Variants in DENND3 observed in about 807,000 individuals in gnomAD.
The protein encoded by DENND3 is DENN domain-containing protein 3.
DENND3 carries 88 observed loss-of-function variants against 135.1 expected under a neutral mutation model. That is an observed-to-expected ratio of 0.65 (90% CI 0.55 to 0.78). The LOEUF (loss-of-function observed/expected upper bound fraction) is 0.78, where lower values mean the gene tolerates loss of function less well. Among genes scored for constraint, DENND3 ranks in the 30% least tolerant of loss-of-function variants. DENND3 has a pLI of 0.00. For missense variants in DENND3, 1,392 were observed against 1,688.4 expected (o/e 0.82, Z 3.08); for synonymous variants, 693 against 712.3 (o/e 0.97, Z 0.43).
rs532653891 is a variant in DENND3 at position 141,174,850 on chromosome 8, C to T, written c.2276-350C>T. On this transcript the variant is annotated intron_variant, in intron 13 of 22. Coordinates refer to ENST00000519811, the MANE Select transcript of DENND3 (RefSeq NM_001352890.3). The surrounding 1 kb of genome is among the most constrained non-coding windows in gnomAD (Gnocchi z 4.6). ...CAGCAGTTCTAGTGATGAGGAAGGT[C>T]TTTGCCCCCATTAGAAGAGTGTCCT... Among the ~76,000 whole-genome samples the T allele has an allele frequency of 1.3e-5, 2 of 152,338 alleles. No individual in the cohort carries two copies. Among genetic ancestry groups the T allele is most frequent in the South Asian group, 4.1e-4 (2 of 4,832 alleles).
rs1446569456 is a variant in DENND3 at position 141,175,070 on chromosome 8, G to A, written c.2276-130G>A. 5 of 1,071,214 alleles carry A rather than the reference G, an allele frequency of 4.7e-6. No individual in the cohort carries two copies. The highest frequency in any genetic ancestry group is 1.6e-5 in the African/African-American group (1 of 63,144). The allele number at this position is 1,071,214 out of a possible 1,614,324, so 66.4% of individuals were successfully genotyped here. On this transcript the variant is annotated intron_variant, in intron 13 of 22. Transcript: ENST00000519811. This position sits in a 1 kb window ranked among gnomAD's most constrained non-coding sequence, Gnocchi z 5.4. ...ACCTTCTAGGCAGTTTCCATCCAGC[G>A]CCCTGAGTGCTGGCGCCACCTGCTG...
intron 18 of DENND3, chr8:141,188,778 G>A (rs1824276495): frequency 1.7e-6 from 1 of 588,836 alleles, no homozygotes. Context: ...TAAGGTGTCT[G>A]TGAACAGAGC....
At chr8:141,192,293 A>T (rs1168513440) in intron 20 of DENND3, 38 bp from the exon 21 acceptor site, 7 of 1,609,172 alleles carry the variant, frequency 4.4e-6, no homozygotes, top group Admixed American at 1.7e-5. Flanking sequence ...GTTGCCAATG[A>T]CACTGCCTGG....
chr8:141,163,849 T>C (rs1468356331), intron 10 of DENND3, among the ~76,000 whole-genome samples: 2 of 146,052 alleles, frequency 1.4e-5, no homozygotes, highest in African/African-American at 5.1e-5. Flanking sequence ...TGGAGGTTGC[T>C]GTGAGCCAAG....
In DENND3 at chr8:141,194,362, T is replaced by C. The variant is rs1825136817; in HGVS notation, c.*129T>C. 8.5e-7 allele frequency: 1 copy of C among 1,172,048 alleles called. No homozygotes were observed. The highest frequency in any genetic ancestry group is 1.5e-5 in the African/African-American group (1 of 65,478). The allele number at this position is 1,172,048 out of a possible 1,614,324, so 72.6% of individuals were successfully genotyped here. A position where few individuals can be genotyped will look rare whatever the true frequency, so the allele number is the denominator to read the frequency against. ...AGCCCAGGCTCAGCATGGAGCCCAC[T>C]TACCGTGTGGCCAGCCGCGAGACCC... On this transcript the variant is annotated 3_prime_UTR_variant, in exon 23 of 23. Transcript: ENST00000519811.
rs1815897636 is a variant in DENND3 at position 141,130,515 on chromosome 8, A to G, written c.102+1706A>G. 1.3e-5 allele frequency among the ~76,000 whole-genome samples: 2 copies of G among 152,154 alleles called. No individual in the cohort carries two copies. Among genetic ancestry groups the G allele is most frequent in the South Asian group, 4.1e-4 (2 of 4,834 alleles). Reference sequence around the variant, plus strand: ...CTGTTAGGGGTTTGGCAAAGGGTGGAGAGAAAAGTAGTGAAGGACTAAGAA... The same window carrying G: ...CTGTTAGGGGTTTGGCAAAGGGTGGGGAGAAAAGTAGTGAAGGACTAAGAA... On this transcript the variant is annotated intron_variant, in intron 1 of 22. Transcript: ENST00000519811. The surrounding 1 kb of genome is among the most constrained non-coding windows in gnomAD (Gnocchi z 4.2).
chr8:141,192,256 A>G, intron 20 of DENND3, 75 bp from the exon 21 acceptor site: 1 of 1,569,672 alleles, frequency 6.4e-7, no homozygotes, highest in Non-Finnish European at 8.6e-7. Flanking sequence ...AAGAGCAGTG[A>G]GGCCGGCTCT....
At chr8:141,151,873 T>G (rs749582678) in intron 7 of DENND3, 36 bp downstream of exon 7, 44 of 1,607,760 alleles carry the variant, frequency 2.7e-5, no homozygotes, top group Non-Finnish European at 3.7e-5. Context: ...AATGCTAAAT[T>G]CCTGTGAGTC....
At chr8:141,188,402 G>A in intron 18 of DENND3, 1 of 152,294 alleles carries the variant, frequency 6.6e-6, no homozygotes, top group Non-Finnish European at 1.5e-5. Context: ...TTCCGTATTT[G>A]CAAATTCGAC....
At chr8:141,132,729 G>T (rs1186816570) in intron 1 of DENND3, among the ~76,000 whole-genome samples, 1 of 152,166 alleles carries the variant, frequency 6.6e-6, no homozygotes, top group Non-Finnish European at 1.5e-5. Context: ...ATTTCATTCT[G>T]AGAAAAAACA....
intron 18 of DENND3, among the ~76,000 whole-genome samples, chr8:141,187,732 C>T (rs1390709176): frequency 6.6e-6 from 1 of 152,056 alleles, no homozygotes; most frequent in Non-Finnish European, 1.5e-5. Flanking sequence ...CATTTCCCCC[C>T]ATATTCAAAT....
intron 2 of DENND3, 64 bp downstream of exon 2, chr8:141,136,855 C>T: frequency 6.9e-7 from 1 of 1,458,338 alleles, no homozygotes; most frequent in Non-Finnish European, 9.0e-7. Flanking sequence ...GTGGTCTATT[C>T]CCAGAAACCC....
intron 15 of DENND3, chr8:141,176,997 CTGGGCAGGTG>C: frequency 1.9e-6 from 1 of 524,598 alleles, no homozygotes; most frequent in Non-Finnish European, 3.4e-6. Flanking sequence ...GCAGGGCGGT[CTGGGCAGGTG>C]TGGGTGCCCC....
At chr8:141,187,837 A>C (rs1466257076) in intron 18 of DENND3, among the ~76,000 whole-genome samples, 1 of 152,242 alleles carries the variant, frequency 6.6e-6, no homozygotes, top group Non-Finnish European at 1.5e-5. Flanking sequence ...CAAAAAAAGG[A>C]AAAATTAGGG....
chr8:141,188,960 C>T (rs749673691), intron 18 of DENND3, 26 bp from the exon 19 acceptor site: 6 of 1,605,952 alleles, frequency 3.7e-6, no homozygotes, highest in Non-Finnish European at 4.2e-6. Context: ...TGACTGATTT[C>T]TCACGTTCCC....
intron 1 of DENND3, among the ~76,000 whole-genome samples, chr8:141,132,370 T>G (rs1420348263): frequency 1.3e-5 from 2 of 152,138 alleles, no homozygotes; most frequent in East Asian, 3.8e-4. Flanking sequence ...TATTTTTTTT[T>G]GTGGGGGATG....
intron 18 of DENND3, among the ~76,000 whole-genome samples, chr8:141,188,122 G>A (rs930868787): frequency 6.6e-6 from 1 of 152,220 alleles, no homozygotes; most frequent in Non-Finnish European, 1.5e-5. Flanking sequence ...GCTACTCGGG[G>A]GTCTGAAGCG....
In DENND3 at chr8:141,153,585, C is replaced by T. The variant is rs571063710; in HGVS notation, c.1074+1748C>T. On this transcript the variant is annotated intron_variant, in intron 7 of 22. Transcript: ENST00000519811. ...TTGGGAAGGGCCCGTTGGCTGGGCC[C>T]GGCCAGGGTCCCCGCTGCGGGGGAG... Among the ~76,000 whole-genome samples the T allele has an allele frequency of 5.9e-4, 90 of 152,316 alleles. 1 individual carries two copies. The highest frequency in any genetic ancestry group is 1.3e-3 in the Admixed American group (20 of 15,300).
chr8:141,157,599 TCTC>T, intron 8 of DENND3: 1 of 985,892 alleles, frequency 1.0e-6, no homozygotes, highest in South Asian at 4.7e-5. Context: ...TCACCTTTCT[TCTC>T]TTCGCCTTCC....
Sources: gnomAD v4.1 joint callset for allele counts (sites outside exome capture counted in the v4.1 genomes callset) on GRCh38, gnomAD v4.1.1 for gene constraint, Gnocchi (gnomAD v3.1) non-coding constraint, MANE v1.5 for transcripts, NCBI Gene and HGNC (gene_info 2026-07-23, HGNC 2026-07-21) for gene names.